Variants in PRKG1 observed in about 807,000 individuals in gnomAD.
PRKG1 encodes the protein cGMP-dependent protein kinase 1.
Under a neutral mutation model 88.1 loss-of-function variants are expected in PRKG1, and 35 were observed. That is an observed-to-expected ratio of 0.40 (90% confidence interval 0.30 to 0.53). The LOEUF (loss-of-function observed/expected upper bound fraction) is 0.53. PRKG1 is among the 20% of genes least tolerant of loss of function. PRKG1 has a pLI of 0.59. For synonymous variants in PRKG1, 303 were observed against 292.5 expected (o/e 1.04, Z -0.37); for missense variants, 540 against 839.8 (o/e 0.64, Z 4.41).
At chr10:52,039,183 G>C (rs1845693495) in intron 5 of PRKG1, among the ~76,000 whole-genome samples, 1 of 152,154 alleles carries the variant, frequency 6.6e-6, no homozygotes, top group Non-Finnish European at 1.5e-5. Context: ...ATTTCACCCG[G>C]GTGCAGGCGG....
intron 3 of PRKG1, among the ~76,000 whole-genome samples, chr10:51,578,003 C>T (rs975638526): frequency 6.6e-6 from 1 of 151,994 alleles, no homozygotes; most frequent in African/African-American, 2.4e-5. Flanking sequence ...ATTTGTTGTT[C>T]GTTAGGATTC....
In PRKG1 at chr10:51,698,886, A is replaced by C. The variant is rs143249904; in HGVS notation, c.593-105699A>C. 2,990 of 1,613,784 alleles carry C rather than the reference A, an allele frequency of 1.9e-3. 7 individuals are homozygous for C. Among genetic ancestry groups the C allele is most frequent in the Non-Finnish European group, 2.1e-3 (2,483 of 1,179,722 alleles). ...TTCAGCAGAACATTAGGTCCTGGGC[A>C]GAGCCCAGGGCCAGGGCCAGGGCCA... On this transcript the variant is annotated intron_variant, in intron 3 of 17. Coordinates refer to ENST00000373980, the MANE Select transcript of PRKG1 (RefSeq NM_006258.4).
At chr10:51,311,435 G>A (rs1841183612) in intron 2 of PRKG1, among the ~76,000 whole-genome samples, 2 of 152,210 alleles carry the variant, frequency 1.3e-5, no homozygotes, top group Admixed American at 1.3e-4. Flanking sequence ...ACATGCAACA[G>A]TTTAGTGTAA....
At chr10:51,050,987 C>G (rs2660206) in intron 1 of PRKG1, among the ~76,000 whole-genome samples, 5,301 of 151,870 alleles carry the variant, frequency 0.035, 288 homozygotes, top group African/African-American at 0.12. Context: ...TGCTCATTTG[C>G]TCACTTTTTA....
chr10:51,782,030 C>T (rs1263990922), intron 3 of PRKG1, among the ~76,000 whole-genome samples: 3 of 151,498 alleles, frequency 2.0e-5, no homozygotes, highest in Non-Finnish European at 4.4e-5. Flanking sequence ...ATATGCAAGT[C>T]TTAAGTATTG....
chr10:51,535,969 C>T (rs374141656), intron 3 of PRKG1, among the ~76,000 whole-genome samples: 27 of 152,088 alleles, frequency 1.8e-4, no homozygotes, highest in Middle Eastern at 6.9e-3. Context: ...GTGATCCACC[C>T]GCCTCAGCTT....
intron 3 of PRKG1, among the ~76,000 whole-genome samples, chr10:51,505,284 C>CAT (rs1427785678): frequency 6.6e-6 from 1 of 152,142 alleles, no homozygotes; most frequent in East Asian, 1.9e-4. Flanking sequence ...TATTGATTTG[C>CAT]ATATATTGAA....
At chr10:51,343,175 C>T (rs982489036) in intron 2 of PRKG1, among the ~76,000 whole-genome samples, 9 of 152,174 alleles carry the variant, frequency 5.9e-5, no homozygotes, top group African/African-American at 2.2e-4. Flanking sequence ...AGATCAGTAA[C>T]TCAACTCATG....
intron 9 of PRKG1, among the ~76,000 whole-genome samples, chr10:52,199,269 T>A (rs556088597): frequency 1.2e-3 from 189 of 152,248 alleles, no homozygotes; most frequent in African/African-American, 4.4e-3. Flanking sequence ...CCTATCGTAT[T>A]ATCCTCCACT....
chr10:51,256,918 A>G (rs543657034), intron 2 of PRKG1, among the ~76,000 whole-genome samples: 9 of 152,256 alleles, frequency 5.9e-5, no homozygotes, highest in African/African-American at 1.7e-4. Flanking sequence ...TTTTCAAACC[A>G]TGTGTAGAAT....
At chr10:51,495,667 A>G (rs1185182476) in intron 3 of PRKG1, among the ~76,000 whole-genome samples, 2 of 152,224 alleles carry the variant, frequency 1.3e-5, no homozygotes, top group African/African-American at 2.4e-5. Flanking sequence ...AATGCTTGTC[A>G]CTTATTCTCT....
chr10:51,524,099 C>A (rs1049402173), intron 3 of PRKG1, among the ~76,000 whole-genome samples: 1 of 152,134 alleles, frequency 6.6e-6, no homozygotes, highest in African/African-American at 2.4e-5. Flanking sequence ...TGTCCTTGCT[C>A]CTGCTATAGA....
intron 2 of PRKG1, among the ~76,000 whole-genome samples, chr10:51,210,547 A>G (rs1340389742): frequency 6.6e-6 from 1 of 152,228 alleles, no homozygotes; most frequent in Non-Finnish European, 1.5e-5. Context: ...TGAAAAGATC[A>G]ACAAACTTGA....
At chr10:51,417,274 T>G (rs1271547629) in intron 2 of PRKG1, among the ~76,000 whole-genome samples, 1 of 152,188 alleles carries the variant, frequency 6.6e-6, no homozygotes, top group Non-Finnish European at 1.5e-5. Context: ...TGGGAAATAC[T>G]CAACCACAGT....
intron 3 of PRKG1, among the ~76,000 whole-genome samples, chr10:51,576,511 C>T (rs1274316081): frequency 4.6e-5 from 7 of 151,784 alleles, no homozygotes; most frequent in Non-Finnish European, 1.0e-4. Flanking sequence ...AGATAATTTC[C>T]CTAGAATATC....
chr10:51,926,948 G>A (rs929531551), intron 5 of PRKG1, among the ~76,000 whole-genome samples: 1 of 152,004 alleles, frequency 6.6e-6, no homozygotes, highest in Non-Finnish European at 1.5e-5. Context: ...CCTGGCAAAT[G>A]TTGGATCCCA....
chr10:52,283,996 T>C (rs1187366864), intron 14 of PRKG1, among the ~76,000 whole-genome samples: 2 of 151,962 alleles, frequency 1.3e-5, no homozygotes, highest in Admixed American at 6.6e-5. Flanking sequence ...TCATTGTTTA[T>C]TCATTAAGTA....
intron 5 of PRKG1, among the ~76,000 whole-genome samples, chr10:52,001,403 T>C (rs933181577): frequency 6.6e-6 from 1 of 151,960 alleles, no homozygotes; most frequent in Non-Finnish European, 1.5e-5. Context: ...GATGCATATG[T>C]TAATTAGCTT....
At chr10:51,596,991 C>T (rs1200329095) in intron 3 of PRKG1, among the ~76,000 whole-genome samples, 3 of 152,166 alleles carry the variant, frequency 2.0e-5, no homozygotes, top group African/African-American at 7.2e-5. Context: ...CTTACTTTCT[C>T]TGGTGGCAGA....
Sources: allele counts gnomAD v4.1 joint callset (sites outside exome capture counted in the v4.1 genomes callset), GRCh38; gene constraint gnomAD v4.1.1; transcripts MANE v1.5; gene names NCBI Gene and HGNC (gene_info 2026-07-23, HGNC 2026-07-21).